Variants in ESRRG observed in about 807,000 individuals in gnomAD.
The protein encoded by ESRRG is estrogen-related receptor gamma.
A neutral mutation model predicts 44.0 loss-of-function variants in ESRRG; 13 were observed. That is an observed-to-expected ratio of 0.30 (90% CI 0.19 to 0.47). The LOEUF (loss-of-function observed/expected upper bound fraction) is 0.47, where lower values mean the gene tolerates loss of function less well. Ranked by LOEUF, ESRRG falls within the 20% of genes least tolerant of loss-of-function variation. The pLI is 1.00. For missense variants in ESRRG, 395 were observed against 580.6 expected (o/e 0.68, Z 3.29); for synonymous variants, 215 against 214.6 (o/e 1.00, Z -0.02).
chr1:216,681,410 A>G (rs964021728), intron 1 of ESRRG, among the ~76,000 whole-genome samples: 1 of 152,100 alleles, frequency 6.6e-6, no homozygotes, highest in Non-Finnish European at 1.5e-5. Flanking sequence ...CGTCATTTAC[A>G]TTAGGTATAT....
intron 1 of ESRRG, among the ~76,000 whole-genome samples, chr1:216,999,333 G>C (rs1025010449): frequency 5.3e-5 from 8 of 152,142 alleles, no homozygotes; most frequent in Admixed American, 2.0e-4. Flanking sequence ...TATCCATAAG[G>C]ATACTTAAAT....
chr1:216,698,632 C>G (rs2080760732), intron 1 of ESRRG, among the ~76,000 whole-genome samples: 1 of 150,642 alleles, frequency 6.6e-6, no homozygotes, highest in Non-Finnish European at 1.5e-5. Context: ...ACAAACCAAA[C>G]AGTAAGCAAC....
intron 5 of ESRRG, among the ~76,000 whole-genome samples, chr1:216,529,732 C>T (rs1339286709): frequency 3.9e-5 from 6 of 152,114 alleles, no homozygotes; most frequent in Non-Finnish European, 8.8e-5. Context: ...CATTTTCCCA[C>T]ACGTGAAGTT....
chr1:216,522,255 C>CTTTTT (rs71161437), intron 5 of ESRRG, among the ~76,000 whole-genome samples: 1 of 29,260 alleles, frequency 3.4e-5, no homozygotes, highest in African/African-American at 1.5e-4. Flanking sequence ...AACAGCTCTC[C>CTTTTT]TTTTTTTTTT....
chr1:217,049,797 G>C (rs1006395836), intron 1 of ESRRG, among the ~76,000 whole-genome samples: 1 of 152,142 alleles, frequency 6.6e-6, no homozygotes, highest in South Asian at 2.1e-4. Flanking sequence ...GAAGTCAACA[G>C]CAGCTTTTCT....
intron 5 of ESRRG, among the ~76,000 whole-genome samples, chr1:216,524,276 GC>G (rs1449522338): frequency 7.7e-6 from 1 of 130,320 alleles, no homozygotes; most frequent in Non-Finnish European, 1.5e-5. Flanking sequence ...ATAGTCTCTT[GC>G]AGGAGACTAT....
chr1:216,781,633 A>G (rs2093939759), intron 2 of ESRRG, among the ~76,000 whole-genome samples: 1 of 151,960 alleles, frequency 6.6e-6, no homozygotes, highest in Non-Finnish European at 1.5e-5. Flanking sequence ...CAGCACACAC[A>G]CCACCCCTGG....
At chr1:217,003,581 G>T (rs200246784) in intron 1 of ESRRG, among the ~76,000 whole-genome samples, 1 of 108,172 alleles carries the variant, frequency 9.2e-6, no homozygotes, top group African/African-American at 3.3e-5. Context: ...TAATTAATAA[G>T]TATTAATATT....
intron 3 of ESRRG, among the ~76,000 whole-genome samples, chr1:216,629,399 GAT>G (rs1252165499): frequency 6.6e-6 from 1 of 152,102 alleles, no homozygotes; most frequent in African/African-American, 2.4e-5. Context: ...GGTTTATATG[GAT>G]ATAAGACACC....
intron 2 of ESRRG, among the ~76,000 whole-genome samples, chr1:216,907,999 A>G (rs1317562088): frequency 6.6e-6 from 1 of 152,244 alleles, no homozygotes; most frequent in African/African-American, 2.4e-5. Context: ...CTTAAGAAGA[A>G]TAATAAATTA....
intron 3 of ESRRG, among the ~76,000 whole-genome samples, chr1:216,609,675 A>C (rs1444752435): frequency 6.6e-6 from 1 of 152,166 alleles, no homozygotes; most frequent in African/African-American, 2.4e-5. Flanking sequence ...AGCTAAAAAC[A>C]ACTTTAGAAA....
intron 1 of ESRRG, among the ~76,000 whole-genome samples, chr1:217,050,639 G>A (rs1414013102): frequency 1.3e-5 from 2 of 152,156 alleles, no homozygotes; most frequent in East Asian, 3.9e-4. Context: ...AATTTCCAGG[G>A]TAGAATGAGA....
At chr1:216,942,260 G>T (rs1164027701) in intron 1 of ESRRG, among the ~76,000 whole-genome samples, 2 of 152,090 alleles carry the variant, frequency 1.3e-5, no homozygotes, top group Non-Finnish European at 2.9e-5. Flanking sequence ...CTTTTTTATG[G>T]CTGCATGGTA....
chr1:216,947,427 T>C (rs1194382413), intron 1 of ESRRG, among the ~76,000 whole-genome samples: 2 of 152,226 alleles, frequency 1.3e-5, no homozygotes, highest in African/African-American at 4.8e-5. Flanking sequence ...AGTAAATCTT[T>C]CCTTGTGTCA....
chr1:217,127,944 G>T (rs914401804), intron 1 of ESRRG, among the ~76,000 whole-genome samples: 1 of 152,102 alleles, frequency 6.6e-6, no homozygotes, highest in Non-Finnish European at 1.5e-5. Flanking sequence ...TCAGATAAAG[G>T]TGTTATTCTG....
At chr1:217,132,609 C>T (rs1465807293) in intron 1 of ESRRG, among the ~76,000 whole-genome samples, 1 of 152,120 alleles carries the variant, frequency 6.6e-6, no homozygotes, top group Non-Finnish European at 1.5e-5. Flanking sequence ...GTGGCTGCCA[C>T]TTATAACCAT....
intron 1 of ESRRG, among the ~76,000 whole-genome samples, chr1:217,039,108 C>T (rs1249364934): frequency 6.6e-6 from 1 of 152,166 alleles, no homozygotes; most frequent in African/African-American, 2.4e-5. Context: ...CTGAGACCAC[C>T]TCAGCCTGGA....
At chr1:217,056,793 A>G (rs1054813920) in intron 1 of ESRRG, among the ~76,000 whole-genome samples, 2 of 151,508 alleles carry the variant, frequency 1.3e-5, no homozygotes, top group African/African-American at 4.9e-5. Flanking sequence ...CTTGAACCCC[A>G]AAATACCAGT....
intron 3 of ESRRG, among the ~76,000 whole-genome samples, chr1:216,603,065 A>G (rs1256606518): frequency 6.6e-6 from 1 of 152,066 alleles, no homozygotes; most frequent in Non-Finnish European, 1.5e-5. Context: ...TACTGAATTT[A>G]GTTGCTATCT....
Sources: gnomAD v4.1 joint callset for allele counts (sites outside exome capture counted in the v4.1 genomes callset) on GRCh38, gnomAD v4.1.1 for gene constraint, MANE v1.5 for transcripts, NCBI Gene and HGNC (gene_info 2026-07-23, HGNC 2026-07-21) for gene names.